Variants in CDYL observed in about 807,000 individuals in gnomAD.
The protein encoded by CDYL is chromodomain Y-like protein.
Under a neutral mutation model 47.3 loss-of-function variants are expected in CDYL, and 8 were observed. That is an observed-to-expected ratio of 0.17 (90% CI 0.10 to 0.31). The LOEUF (loss-of-function observed/expected upper bound fraction) is 0.31, where lower values mean the gene tolerates loss of function less well. Among genes scored for constraint, CDYL ranks in the 10% least tolerant of loss-of-function variants. CDYL has a pLI of 1.00. For synonymous variants in CDYL, 266 were observed against 265.0 expected, an observed-to-expected ratio of 1.00 and a Z score of -0.04; for missense variants, 471 against 701.4, an observed-to-expected ratio of 0.67 and a Z score of 3.71.
At chr6:4,836,316 T>G in intron 1 of CDYL, 2 of 952,808 alleles carry the variant, frequency 2.1e-6, no homozygotes, top group Non-Finnish European at 2.5e-6. Context: ...AAAGTGAGTT[T>G]TAATTATTTA....
At chr6:4,746,766 G>A (rs1029679360) in intron 3 of CDYL, among the ~76,000 whole-genome samples, 9 of 152,122 alleles carry the variant, frequency 5.9e-5, no homozygotes, top group Non-Finnish European at 2.9e-5. Context: ...CTGTGGGGTC[G>A]CTGGCATAGA....
At chr6:4,793,090 A>G (rs1306188371) in intron 1 of CDYL, among the ~76,000 whole-genome samples, 2 of 152,046 alleles carry the variant, frequency 1.3e-5, no homozygotes, top group Admixed American at 6.5e-5. Flanking sequence ...CCTTCCAGGT[A>G]TCTTCATTGT....
chr6:4,900,801 A>ATCTATATC (rs1561697576), intron 2 of CDYL, among the ~76,000 whole-genome samples: 33 of 76,570 alleles, frequency 4.3e-4, no homozygotes, highest in African/African-American at 1.7e-3. Flanking sequence ...ATATATATAT[A>ATCTATATC]TATATATATA....
At chr6:4,878,971 T>A (rs1178438018) in intron 1 of CDYL, among the ~76,000 whole-genome samples, 1 of 152,192 alleles carries the variant, frequency 6.6e-6, no homozygotes, top group African/African-American at 2.4e-5. Context: ...ATGGTTTATT[T>A]AGAAAAATTT....
At chr6:4,937,810 G>C in intron 4 of CDYL, 73 bp downstream of exon 4, 1 of 1,144,832 alleles carries the variant, frequency 8.7e-7, no homozygotes, top group East Asian at 2.5e-5. Context: ...GATAGAATGG[G>C]CCTGACCAAG....
chr6:4,861,848 C>A (rs988913084), intron 1 of CDYL, among the ~76,000 whole-genome samples: 1 of 152,156 alleles, frequency 6.6e-6, no homozygotes, highest in East Asian at 1.9e-4. Context: ...ACTCAGCAAG[C>A]CTTTAAAGCA....
intron 1 of CDYL, among the ~76,000 whole-genome samples, chr6:4,795,024 C>T (rs1432446906): frequency 1.3e-5 from 2 of 151,444 alleles, no homozygotes; most frequent in East Asian, 1.9e-4. Flanking sequence ...TGGCTAGGAC[C>T]GTCAAGTACA....
chr6:4,938,568 A>G (rs1327953932), intron 4 of CDYL, among the ~76,000 whole-genome samples: 2 of 152,220 alleles, frequency 1.3e-5, no homozygotes, highest in African/African-American at 4.8e-5. Context: ...TACCTCACAT[A>G]CTTACTATTT....
At chr6:4,771,250 A>T (rs373443104) in intron 3 of CDYL, among the ~76,000 whole-genome samples, 2 of 152,040 alleles carry the variant, frequency 1.3e-5, no homozygotes, top group African/African-American at 4.8e-5. Context: ...AGTGGCTGGG[A>T]TTACAAGCAC....
chr6:4,724,220 T>A (rs6597095), intron 2 of CDYL, among the ~76,000 whole-genome samples: 1 of 151,992 alleles, frequency 6.6e-6, no homozygotes, highest in Non-Finnish European at 1.5e-5. Flanking sequence ...TTTGTATTTT[T>A]TTTTTTTAAG....
chr6:4,860,513 A>AAT (rs901657209), intron 1 of CDYL, among the ~76,000 whole-genome samples: 1 of 147,498 alleles, frequency 6.8e-6, no homozygotes, highest in Non-Finnish European at 1.5e-5. Flanking sequence ...ATATATAAAA[A>AAT]ATATATATAT....
chr6:4,880,775 T>G (rs371382211), intron 1 of CDYL, among the ~76,000 whole-genome samples: 22 of 152,252 alleles, frequency 1.4e-4, no homozygotes, highest in African/African-American at 4.6e-4. Flanking sequence ...ATTTCCCTAG[T>G]GACATATTCT....
chr6:4,927,624 C>T (rs918355179), intron 2 of CDYL, among the ~76,000 whole-genome samples: 1 of 152,118 alleles, frequency 6.6e-6, no homozygotes, highest in Non-Finnish European at 1.5e-5. Flanking sequence ...CCATGTTGAC[C>T]AGGCTAGTCT....
chr6:4,856,248 CAG>C (rs1413512145), intron 1 of CDYL, among the ~76,000 whole-genome samples: 9 of 152,112 alleles, frequency 5.9e-5, no homozygotes, highest in Non-Finnish European at 1.2e-4. Flanking sequence ...AAAAATAAAG[CAG>C]AGAGTGGGGT....
chr6:4,731,825 A>T (rs1462015367), intron 2 of CDYL, among the ~76,000 whole-genome samples: 1 of 151,906 alleles, frequency 6.6e-6, no homozygotes, highest in South Asian at 2.1e-4. Context: ...TGTCTCAAAA[A>T]AAAAAAAGAA....
chr6:4,805,467 A>G (rs1173169896), intron 1 of CDYL, among the ~76,000 whole-genome samples: 1 of 152,220 alleles, frequency 6.6e-6, no homozygotes, highest in African/African-American at 2.4e-5. Context: ...AAACGAACCC[A>G]TAGGTTAGAG....
chr6:4,754,271 C>G (rs1363477384), intron 3 of CDYL, among the ~76,000 whole-genome samples: 6 of 152,192 alleles, frequency 3.9e-5, no homozygotes, highest in Non-Finnish European at 8.8e-5. Flanking sequence ...AGATGACACT[C>G]AACTATGATT....
chr6:4,935,019 G>C (rs1758144745), intron 2 of CDYL, among the ~76,000 whole-genome samples: 1 of 152,158 alleles, frequency 6.6e-6, no homozygotes, highest in Admixed American at 6.5e-5. Context: ...GGTCTGAAGT[G>C]GTGGCTGCCA....
chr6:4,848,166 T>C (rs200397708), intron 1 of CDYL, among the ~76,000 whole-genome samples: 2 of 152,324 alleles, frequency 1.3e-5, no homozygotes, highest in South Asian at 2.1e-4. Flanking sequence ...ATGTGAGCAA[T>C]GTAAGGCAGG....
Sources: gnomAD v4.1 joint callset for allele counts (sites outside exome capture counted in the v4.1 genomes callset) on GRCh38, gnomAD v4.1.1 for gene constraint, MANE v1.5 for transcripts, NCBI Gene and HGNC (gene_info 2026-07-23, HGNC 2026-07-21) for gene names.